CDK17: variants seen among roughly 807,000 people sequenced by gnomAD.
The protein encoded by CDK17 is cyclin dependent kinase 17.
In CDK17, 24 loss-of-function variants were observed where a neutral mutation model predicts 77.6. That is an observed-to-expected ratio of 0.31 (90% CI 0.22 to 0.44). The LOEUF (loss-of-function observed/expected upper bound fraction) is 0.44, where lower values mean the gene tolerates loss of function less well. CDK17 is among the 20% of genes least tolerant of loss of function. The pLI, the probability that CDK17 is intolerant of heterozygous loss-of-function variation, is 1.00. For missense variants in CDK17, 429 were observed against 622.5 expected, an observed-to-expected ratio of 0.69 and a Z score of 3.31; for synonymous variants, 203 against 210.4, an observed-to-expected ratio of 0.96 and a Z score of 0.30.
intron 1 of CDK17, among the ~76,000 whole-genome samples, chr12:96,357,160 G>C (rs1046693168): frequency 6.6e-6 from 1 of 152,120 alleles, no homozygotes; most frequent in Non-Finnish European, 1.5e-5. Context: ...AGGGGAAAAA[G>C]CCCATTAAAA....
chr12:96,326,037 G>C (rs949963076), intron 2 of CDK17, among the ~76,000 whole-genome samples: 1 of 152,058 alleles, frequency 6.6e-6, no homozygotes, highest in African/African-American at 2.4e-5. Flanking sequence ...AAAGAGAAAA[G>C]AAAAATGAAG....
At chr12:96,331,959 A>G (rs1435380268) in intron 2 of CDK17, among the ~76,000 whole-genome samples, 4 of 152,188 alleles carry the variant, frequency 2.6e-5, no homozygotes, top group Non-Finnish European at 4.4e-5. Context: ...AATGACAGAC[A>G]TCATATACAA....
At chr12:96,295,797 G>GA (rs1258061288) in intron 9 of CDK17, among the ~76,000 whole-genome samples, 1 of 152,168 alleles carries the variant, frequency 6.6e-6, no homozygotes, top group East Asian at 1.9e-4. Context: ...GAATGACTCT[G>GA]AAAAAAGTAA....
chr12:96,367,250 C>T (rs574920518), intron 1 of CDK17, among the ~76,000 whole-genome samples: 38 of 134,970 alleles, frequency 2.8e-4, no homozygotes, highest in Non-Finnish European at 4.6e-4. Flanking sequence ...CAGGCTGAGG[C>T]GGGAGAATCA....
At chr12:96,342,448 G>A (rs1178241478) in intron 1 of CDK17, among the ~76,000 whole-genome samples, 2 of 152,168 alleles carry the variant, frequency 1.3e-5, no homozygotes, top group Admixed American at 6.5e-5. Flanking sequence ...TGTAATCCCA[G>A]CTACTTGGGA....
intron 1 of CDK17, among the ~76,000 whole-genome samples, chr12:96,392,668 G>C (rs1049028958): frequency 6.6e-6 from 1 of 152,152 alleles, no homozygotes. Context: ...CTGAAATTGG[G>C]AACAGAAATA....
At chr12:96,396,464 G>GT (rs1954170965) in intron 1 of CDK17, among the ~76,000 whole-genome samples, 4 of 152,246 alleles carry the variant, frequency 2.6e-5, no homozygotes, top group African/African-American at 7.2e-5. Flanking sequence ...ATTACAGGCA[G>GT]TTTTTTTAAC....
intron 10 of CDK17, among the ~76,000 whole-genome samples, chr12:96,293,753 T>TAC (rs900866898): frequency 3.3e-5 from 5 of 152,238 alleles, no homozygotes; most frequent in Non-Finnish European, 4.4e-5. Flanking sequence ...CCCTGGGTTA[T>TAC]ACATTCCAAA....
At position 96,372,827 on chromosome 12, in the gene CDK17, A is replaced by G. The variant is rs117314404; in HGVS notation, c.-30+27159T>C. Among the ~76,000 whole-genome samples, 1,090 of 152,370 alleles carry G rather than the reference A, an allele frequency of 7.2e-3. 2 individuals are homozygous for G. The highest frequency in any genetic ancestry group is 0.013 in the Non-Finnish European group (871 of 68,036). ...ATACATTACAAATGATAGCCTTTAAAAAATGTTGAAAGATTTCCTATGAGG... is the reference window on the plus strand; with the variant it reads ...ATACATTACAAATGATAGCCTTTAAGAAATGTTGAAAGATTTCCTATGAGG... On this transcript the variant is annotated intron_variant, in intron 1 of 16. Transcript: ENST00000261211.
intron 11 of CDK17, among the ~76,000 whole-genome samples, chr12:96,288,369 G>A (rs986767234): frequency 1.1e-4 from 16 of 152,084 alleles, no homozygotes; most frequent in Admixed American, 7.9e-4. Context: ...ATTCAGGAAA[G>A]GATTTATGAA....
intron 1 of CDK17, among the ~76,000 whole-genome samples, chr12:96,375,360 C>T (rs1348837400): frequency 6.6e-6 from 1 of 152,058 alleles, no homozygotes; most frequent in African/African-American, 2.4e-5. Flanking sequence ...CACCCCTTTA[C>T]CCCACCCTCA....
At chr12:96,282,316 GC>G (rs1952188445) in intron 15 of CDK17, 192 bp downstream of exon 15, 1 of 527,406 alleles carries the variant, frequency 1.9e-6, no homozygotes, top group African/African-American at 1.9e-5. Context: ...GTGACAATGT[GC>G]TCAGTGTTAC....
intron 1 of CDK17, among the ~76,000 whole-genome samples, chr12:96,398,786 T>C (rs1954211408): frequency 6.6e-6 from 1 of 152,196 alleles, no homozygotes; most frequent in African/African-American, 2.4e-5. Flanking sequence ...GCCTCTTCTG[T>C]ATCTTGAAAG....
intron 2 of CDK17, among the ~76,000 whole-genome samples, chr12:96,329,740 C>G (rs185918913): frequency 6.6e-6 from 1 of 152,130 alleles, no homozygotes; most frequent in Non-Finnish European, 1.5e-5. Context: ...CACAAACTGT[C>G]GAAGACAAAC....
At chr12:96,325,602 G>C (rs922717862) in intron 2 of CDK17, among the ~76,000 whole-genome samples, 3 of 152,188 alleles carry the variant, frequency 2.0e-5, no homozygotes, top group African/African-American at 4.8e-5. Flanking sequence ...GGGCCCAAAG[G>C]CTCACCCAAG....
intron 1 of CDK17, among the ~76,000 whole-genome samples, chr12:96,343,570 C>T (rs1953155501): frequency 6.6e-6 from 1 of 152,192 alleles, no homozygotes; most frequent in African/African-American, 2.4e-5. Context: ...AAGACAGCAC[C>T]TTCTTCTTTA....
At chr12:96,301,270 CACA>C (rs1233933466) in intron 5 of CDK17, among the ~76,000 whole-genome samples, 10 of 148,844 alleles carry the variant, frequency 6.7e-5, no homozygotes, top group Admixed American at 6.7e-5. Flanking sequence ...CAAACAAACC[CACA>C]ACAACAAGAG....
Position 96,300,367 on chromosome 12 carries a change from A to C in CDK17, c.544-7T>G, listed in dbSNP as rs547905454. The C allele has an allele frequency of 6.4e-7, 1 of 1,551,498 alleles. No individual in the cohort carries two copies. The highest frequency in any genetic ancestry group is 1.2e-5 in the South Asian group (1 of 85,082). On this transcript the variant is annotated splice_region_variant and splice_polypyrimidine_tract_variant and intron_variant, in intron 5 of 16. Coordinates refer to ENST00000261211, the MANE Select transcript of CDK17 (RefSeq NM_002595.5). ...TTCCAAAGCCAATTTCTGACTGAAA[A>C]GTAAACAATGAAAAATGTAGTATTT... is the stretch of plus-strand genomic sequence containing the variant.
chr12:96,289,129 C>A (rs1952284465), intron 11 of CDK17, 38 bp downstream of exon 11: 1 of 1,605,508 alleles, frequency 6.2e-7, no homozygotes, highest in Non-Finnish European at 8.5e-7. Context: ...TACATTCTTT[C>A]AAAATTATAA....
Sources: gnomAD v4.1 joint callset for allele counts (sites outside exome capture counted in the v4.1 genomes callset) on GRCh38, gnomAD v4.1.1 for gene constraint, MANE v1.5 for transcripts, NCBI Gene and HGNC (gene_info 2026-07-23, HGNC 2026-07-21) for gene names.